SERINC2: variants seen among roughly 807,000 people sequenced by gnomAD.
SERINC2 encodes tumor differentially expressed protein 2.
In SERINC2, 56 loss-of-function variants were observed where a neutral mutation model predicts 54.2. That is an observed-to-expected ratio of 1.03 (90% CI 0.83 to 1.29). SERINC2 has a LOEUF of 1.29. SERINC2 is among the 50% of genes most tolerant of loss of function. The pLI, the probability that SERINC2 is intolerant of heterozygous loss-of-function variation, is 0.00. For missense variants in SERINC2, 614 were observed against 607.4 expected, an observed-to-expected ratio of 1.01 and a Z score of -0.12; for synonymous variants, 272 against 253.1, an observed-to-expected ratio of 1.07 and a Z score of -0.71.
intron 1 of SERINC2, among the ~76,000 whole-genome samples, chr1:31,418,750 G>A (rs1640839436): frequency 6.6e-6 from 1 of 152,120 alleles, no homozygotes; most frequent in African/African-American, 2.4e-5. Context: ...CCTATGAGTG[G>A]TTCTAAGAAC....
chr1:31,422,766 T>C (rs1640933075), intron 1 of SERINC2, among the ~76,000 whole-genome samples: 1 of 152,070 alleles, frequency 6.6e-6, no homozygotes, highest in African/African-American at 2.4e-5. Context: ...AAGGCTGGGC[T>C]GTGGACTGGG....
At chr1:31,426,603 G>C (rs1641047476) in intron 5 of SERINC2, 51 bp from the exon 6 acceptor site, 18 of 1,504,006 alleles carry the variant, frequency 1.2e-5, no homozygotes, top group Non-Finnish European at 1.6e-5. Flanking sequence ...AGGGATCCCT[G>C]TTCCTCCTGC....
intron 8 of SERINC2, among the ~76,000 whole-genome samples, chr1:31,432,101 A>AGAGGGTGGT (rs1641285287): frequency 8.9e-6 from 1 of 112,796 alleles, no homozygotes; most frequent in Non-Finnish European, 1.8e-5. Flanking sequence ...GACAGGGTGG[A>AGAGGGTGGT]CAGGGTGGAT....
At chr1:31,422,190 T>C (rs1553132799) in intron 1 of SERINC2, among the ~76,000 whole-genome samples, 1 of 151,304 alleles carries the variant, frequency 6.6e-6, no homozygotes, top group African/African-American at 2.4e-5. Flanking sequence ...TCCCAGCTAC[T>C]CAGGAGGCTG....
Position 31,426,711 on chromosome 1 carries a change from T to C in SERINC2, c.668T>C (p.Met223Thr). 1 of 1,613,922 alleles carries C rather than the reference T, an allele frequency of 6.2e-7. No individual in the cohort carries two copies. The highest frequency in any genetic ancestry group is 8.5e-7 in the Non-Finnish European group (1 of 1,179,832). ...YLLSIAAVALMFMYYTEPSGC... is the reference protein window; with the variant it reads ...YLLSIAAVALTFMYYTEPSGC... Reference sequence around the variant, plus strand: ...CTGTCGATCGCGGCCGTGGCGCTGATGTTCATGTACTACACTGAGCCCAGC... The same window carrying C: ...CTGTCGATCGCGGCCGTGGCGCTGACGTTCATGTACTACACTGAGCCCAGC... Residue 223 changes from methionine (M) to threonine (T), a missense_variant, in exon 6 of 10, where the codon ATG (methionine) becomes ACG (threonine). Met to Thr is a moderately conservative substitution (Grantham distance 81). Transcript: ENST00000373709.
At position 31,433,140 on chromosome 1, in the gene SERINC2, T is replaced by C; in HGVS notation, c.1187T>C (p.Val396Ala). The part of the protein sequence containing the change: ...YSYSFFHFCL[V>A]LASLHVMMTL... ...TACTCCTTCTTCCACTTCTGCCTGGTGCTGGCCTCACTGCACGTCATGATG... is the reference window on the plus strand; with the variant it reads ...TACTCCTTCTTCCACTTCTGCCTGGCGCTGGCCTCACTGCACGTCATGATG... The change falls in exon 9 of 10, where the codon GTG (valine) becomes GCG (alanine). Residue 396 changes from valine to alanine, a missense_variant. By Grantham distance (64) the Val-to-Ala change is moderately conservative. Transcript: ENST00000373709. 1 of 1,613,772 alleles carries C rather than the reference T, an allele frequency of 6.2e-7. No homozygotes were observed. The highest frequency in any genetic ancestry group is 8.5e-7 in the Non-Finnish European group (1 of 1,180,000).
chr1:31,427,211 C>T lies in SERINC2; in HGVS notation c.780+388C>T, dbSNP rs79334082. On this transcript the variant is annotated intron_variant, in intron 6 of 9. Transcript: ENST00000373709. The stretch of plus-strand genomic sequence containing the variant: ...ATCAGTAGAACATTAGGGGCAGTCC[C>T]TGAGTGGTGATTCCTAGACACCTCT... Among the ~76,000 whole-genome samples, 860 of 152,274 alleles carry T rather than the reference C, an allele frequency of 5.6e-3. 64 individuals are homozygous for T. The East Asian group carries it at 0.14, about 25-fold the overall frequency.
rs1553135289 is a variant in SERINC2, at chr1:31,434,021, C to G, written c.1233-43C>G. 1.9e-6 allele frequency: 3 copies of G among 1,603,392 alleles called. No individual in the cohort carries two copies. The Admixed American group carries it at 5.1e-5, about 27-fold the overall frequency. ...AGGCCAGGGGCCAAGATGGAAGTCA[C>G]CAGACTGGGCACCAGGCTCATGGGG... is the stretch of plus-strand genomic sequence containing the variant. On this transcript the variant is annotated intron_variant, in intron 9 of 9. Coordinates refer to ENST00000373709, the MANE Select transcript of SERINC2 (RefSeq NM_178865.5).
At chr1:31,429,824 T>C (rs1553134217) in intron 8 of SERINC2, among the ~76,000 whole-genome samples, 2 of 152,120 alleles carry the variant, frequency 1.3e-5, no homozygotes, top group African/African-American at 4.8e-5. Flanking sequence ...GAGCATGGAC[T>C]GGGGTCAGTG....
At chr1:31,427,824 C>CTTTTTTTTTTTTTT (rs71035099) in intron 6 of SERINC2, among the ~76,000 whole-genome samples, 1 of 76,568 alleles carries the variant, frequency 1.3e-5, no homozygotes, top group African/African-American at 4.1e-5. Context: ...TTCTTTCTTT[C>CTTTTTTTTTTTTTT]TTTTTTTTTT....
rs1557501659 is a variant in SERINC2 at position 31,432,173 on chromosome 1, A to ACAGGG, written c.1014-794_1014-793insCAGGG. Among the ~76,000 whole-genome samples, 8 of 121,950 alleles carry ACAGGG rather than the reference A, an allele frequency of 6.6e-5. 3 individuals are homozygous for ACAGGG. Among genetic ancestry groups the ACAGGG allele is most frequent in the South Asian group, 5.2e-4 (2 of 3,852 alleles). The allele number at this position is 121,950 out of a possible 152,430, so 80.0% of individuals were successfully genotyped here. A position where few individuals can be genotyped will look rare whatever the true frequency, so the allele number is the denominator to read the frequency against. ...AGGGTGGACAGGGTGGATAGGGTGG[A>ACAGGG]TAGGGTGGATAGGGTGGTTAGAGTG... On this transcript the variant is annotated intron_variant, in intron 8 of 9. Transcript: ENST00000373709.
intron 8 of SERINC2, among the ~76,000 whole-genome samples, chr1:31,431,025 T>C (rs1196561756): frequency 2.0e-5 from 3 of 152,222 alleles, no homozygotes; most frequent in Non-Finnish European, 4.4e-5. Context: ...TTCATAAACA[T>C]CTGTCTTCTT....
intron 1 of SERINC2, among the ~76,000 whole-genome samples, 159 bp from the exon 2 acceptor site, chr1:31,423,534 A>G (rs901570778): frequency 6.6e-6 from 1 of 152,178 alleles, no homozygotes; most frequent in Admixed American, 6.6e-5. Flanking sequence ...TATATGACCC[A>G]GCCTCCCTCT....
chr1:31,433,066 C>T lies in SERINC2; in HGVS notation c.1113C>T (p.Ala371=), dbSNP rs1641365876. The part of the protein sequence containing the change: ...DATQQQQQVA[A]CEGRAFDNEQ... ...CACAGCAGCAGCAGCAGGTGGCAGC[C>T]TGTGAGGGCCGGGCCTTTGACAACG... The change falls in exon 9 of 10, where the codon GCC becomes GCT. Residue 371 remains alanine, a synonymous_variant. Transcript: ENST00000373709. 3.7e-6 allele frequency: 6 copies of T among 1,613,264 alleles called. No homozygotes were observed. Among genetic ancestry groups the T allele is most frequent in the Non-Finnish European group, 5.1e-6 (6 of 1,179,956 alleles).
intron 9 of SERINC2, among the ~76,000 whole-genome samples, chr1:31,433,854 G>A (rs1029724654): frequency 1.3e-5 from 2 of 152,166 alleles, no homozygotes; most frequent in Non-Finnish European, 2.9e-5. Context: ...ATGATCTCAT[G>A]GACTAACACT....
Position 31,434,197 on chromosome 1 carries a change from T to G in SERINC2, c.1366T>G (p.Ter456GlyextTer20). 4 of 1,612,618 alleles carry G rather than the reference T, an allele frequency of 2.5e-6. No individual in the cohort carries two copies. Among genetic ancestry groups the G allele is most frequent in the Non-Finnish European group, 3.4e-6 (4 of 1,179,712 alleles). Residue 456 changes from the stop codon to glycine (G), a stop_lost, in exon 10 of 10, where the codon TGA becomes GGA. Transcript: ENST00000373709. ...PLLLRNRDFS* is the reference protein window; with the variant it reads ...PLLLRNRDFSG ...CCTCCTGCGCAACCGCGACTTCAGC[T>G]GAGGCAGCCTCACAGCCTGCCATCT...
intron 1 of SERINC2, among the ~76,000 whole-genome samples, chr1:31,418,967 T>C (rs782486807): frequency 1.3e-5 from 2 of 152,234 alleles, no homozygotes; most frequent in Non-Finnish European, 2.9e-5. Flanking sequence ...AATGGATTGG[T>C]TGAATGCCAA....
chr1:31,414,072 T>C (rs1553131866), intron 1 of SERINC2: 1 of 1,486,066 alleles, frequency 6.7e-7, no homozygotes, highest in Admixed American at 2.2e-5. Flanking sequence ...CGGGTGCGGG[T>C]CGTCACGGAC....
At chr1:31,432,154 G>C (rs1202565891) in intron 8 of SERINC2, among the ~76,000 whole-genome samples, 2 of 142,566 alleles carry the variant, frequency 1.4e-5, no homozygotes, top group African/African-American at 2.7e-5. Context: ...GGACAGGGTG[G>C]ACAGGGTGGA....
Sources: allele counts gnomAD v4.1 joint callset (sites outside exome capture counted in the v4.1 genomes callset), GRCh38; gene constraint gnomAD v4.1.1; transcripts MANE v1.5; gene names NCBI Gene and HGNC (gene_info 2026-07-23, HGNC 2026-07-21).